The following ZNF782 variants were observed in gnomAD, a reference collection of about 807,000 sequenced individuals.
ZNF782 encodes the protein zinc finger protein 782.
Under a neutral mutation model 13.0 loss-of-function variants are expected in ZNF782, and 12 were observed. The observed-to-expected ratio is 0.92, with a 90% confidence interval of 0.59 to 1.50. ZNF782 has a LOEUF of 1.50. ZNF782 is among the 40% of genes most tolerant of loss of function. The probability of loss-of-function intolerance (pLI) is 0.00; values close to 1 mark genes in which losing one functional copy is unlikely to be tolerated. For missense variants in ZNF782, 770 were observed against 822.9 expected, an observed-to-expected ratio of 0.94 and a Z score of 0.79; for synonymous variants, 284 against 283.0, an observed-to-expected ratio of 1.00 and a Z score of -0.04.
At chr9:96,835,821 T>G (rs1056859124) in intron 4 of ZNF782, among the ~76,000 whole-genome samples, 23 of 152,210 alleles carry the variant, frequency 1.5e-4, no homozygotes, top group Non-Finnish European at 2.9e-4. Flanking sequence ...GCAGAGCCAC[T>G]GCAGAGACCC....
chr9:96,870,032 A>C (rs1482240211), intron 1 of ZNF782, among the ~76,000 whole-genome samples: 1 of 152,178 alleles, frequency 6.6e-6, no homozygotes, highest in African/African-American at 2.4e-5. Context: ...TAAATAACTT[A>C]ATAAAACAAG....
chr9:96,898,045 A>G, the ZNF782 span: 1 of 150,000 alleles, frequency 6.7e-6, no homozygotes, highest in African/African-American at 2.5e-5. Context: ...CCAGCTGACA[A>G]CTGCATGCAC....
chr9:96,849,411 T>C (rs903572611), intron 3 of ZNF782, among the ~76,000 whole-genome samples: 15 of 152,214 alleles, frequency 9.9e-5, no homozygotes, highest in Non-Finnish European at 1.9e-4. Context: ...GCCCTGTGGA[T>C]TGGGGACTCC....
intron 4 of ZNF782, among the ~76,000 whole-genome samples, chr9:96,840,324 G>A (rs1851148310): frequency 6.6e-6 from 1 of 151,904 alleles, no homozygotes; most frequent in Non-Finnish European, 1.5e-5. Flanking sequence ...TCTGCTTGGA[G>A]TGTTTATATT....
In ZNF782 at chr9:96,818,922, C is replaced by G. The variant is rs1284579061; in HGVS notation, c.1101G>C (p.Glu367Asp). 2 of 1,614,092 alleles carry G rather than the reference C, an allele frequency of 1.2e-6. No homozygotes were observed. The highest frequency in any genetic ancestry group is 1.6e-4 in the Middle Eastern group (1 of 6,084). The change falls in exon 6 of 6, where the codon GAG (glutamate) becomes GAC (aspartate). Residue 367 changes from glutamate to aspartate, a missense_variant. Glu to Asp is a conservative substitution (Grantham distance 45). Transcript: ENST00000481138. ...QKVHIRAKPY[E>D]YNECGKSCSM... is the part of the protein sequence containing the mutation. ...AGCAGGATTTCCCACATTCATTATA[C>G]TCATAGGGTTTTGCCCTTATGTGAA...
At chr9:96,866,730 T>C (rs1451415755) in intron 1 of ZNF782, among the ~76,000 whole-genome samples, 1 of 151,832 alleles carries the variant, frequency 6.6e-6, no homozygotes, top group Non-Finnish European at 1.5e-5. Context: ...GGAGGGGGGG[T>C]TATACCCTGC....
chr9:96,868,843 T>C (rs543721132), intron 1 of ZNF782, among the ~76,000 whole-genome samples: 1 of 152,328 alleles, frequency 6.6e-6, no homozygotes, highest in Non-Finnish European at 1.5e-5. Context: ...TTTTTGAAGA[T>C]AGCCCAGTTG....
the ZNF782 span, among the ~76,000 whole-genome samples, chr9:96,901,869 CAA>C: frequency 0.063 from 3,731 of 59,504 alleles, 142 homozygotes; most frequent in African/African-American, 0.16. Context: ...AACTCTGTCT[CAA>C]AAAAAAAAAA....
At chr9:96,887,281 A>AAAAG in the ZNF782 span, 64 of 122,564 alleles carry the variant, frequency 5.2e-4, no homozygotes, top group East Asian at 5.4e-3. Context: ...TCCATTGCAA[A>AAAAG]AAAGAAAGGA....
chr9:96,877,810 C>T (rs1851912706), upstream of ZNF782, among the ~76,000 whole-genome samples: 1 of 152,174 alleles, frequency 6.6e-6, no homozygotes, highest in South Asian at 2.1e-4. Flanking sequence ...ATCATGTGTG[C>T]TTTTTGGGGG....
chr9:96,882,003 G>A, the ZNF782 span, among the ~76,000 whole-genome samples: 2 of 151,802 alleles, frequency 1.3e-5, no homozygotes, highest in Admixed American at 1.3e-4. Context: ...GTGTGTGTGT[G>A]TGTGTGTGTG....
intron 1 of ZNF782, among the ~76,000 whole-genome samples, chr9:96,865,863 A>G (rs936075914): frequency 1.3e-5 from 2 of 152,192 alleles, no homozygotes; most frequent in Non-Finnish European, 2.9e-5. Context: ...TGTTTTAGCA[A>G]AGAGACTGGC....
chr9:96,914,145 G>A, the ZNF782 span, among the ~76,000 whole-genome samples: 2 of 151,014 alleles, frequency 1.3e-5, no homozygotes, highest in African/African-American at 4.9e-5. Flanking sequence ...TTTCCAAGAC[G>A]GAGTCTCACG....
At chr9:96,840,189 G>T (rs1851144584) in intron 4 of ZNF782, among the ~76,000 whole-genome samples, 1 of 151,906 alleles carries the variant, frequency 6.6e-6, no homozygotes, top group Non-Finnish European at 1.5e-5. Context: ...TATTCACTTG[G>T]TCCACTTCCA....
At chr9:96,914,113 G>A in the ZNF782 span, among the ~76,000 whole-genome samples, 1 of 151,176 alleles carries the variant, frequency 6.6e-6, no homozygotes, top group African/African-American at 2.4e-5. Flanking sequence ...ATTTTTTTGG[G>A]CCTTCACTTA....
chr9:96,930,871 GGT>G, the ZNF782 span, among the ~76,000 whole-genome samples: 14 of 104,448 alleles, frequency 1.3e-4, no homozygotes, highest in African/African-American at 3.7e-4. Context: ...TCCATCCAGT[GGT>G]TTTTTTTTTT....
chr9:96,844,373 T>C (rs1032322311), intron 4 of ZNF782, among the ~76,000 whole-genome samples: 2 of 152,144 alleles, frequency 1.3e-5, no homozygotes, highest in Admixed American at 6.5e-5. Flanking sequence ...GGATAATAAA[T>C]TGCAGTATAT....
At chr9:96,836,498 C>G (rs538053878) in intron 4 of ZNF782, among the ~76,000 whole-genome samples, 3 of 152,202 alleles carry the variant, frequency 2.0e-5, no homozygotes, top group African/African-American at 7.2e-5. Context: ...ACCATGCCTG[C>G]CCAATAACTT....
At chr9:96,920,469 T>C in the ZNF782 span, among the ~76,000 whole-genome samples, 4 of 147,334 alleles carry the variant, frequency 2.7e-5, no homozygotes, top group African/African-American at 7.4e-5. Context: ...GGTTTCACCA[T>C]GTTAGCCAGG....
Sources: gnomAD v4.1 joint callset for allele counts (sites outside exome capture counted in the v4.1 genomes callset) on GRCh38, gnomAD v4.1.1 for gene constraint, MANE v1.5 for transcripts, NCBI Gene and HGNC (gene_info 2026-07-23, HGNC 2026-07-21) for gene names.